Variants in XKR6 observed in about 807,000 individuals in gnomAD.
The protein encoded by XKR6 is XK-related protein 6.
A neutral mutation model predicts 56.7 loss-of-function variants in XKR6; 22 were observed. The ratio of observed to expected loss-of-function variants is 0.39; its 90% CI spans 0.28 to 0.55. The LOEUF is 0.55. Among genes scored for constraint, XKR6 ranks in the 20% least tolerant of loss-of-function variants. The pLI is 0.66. For missense variants in XKR6, 852 were observed against 889.0 expected, an observed-to-expected ratio of 0.96 and a Z score of 0.53; for synonymous variants, 524 against 387.8, an observed-to-expected ratio of 1.35 and a Z score of -4.13.
intron 1 of XKR6, among the ~76,000 whole-genome samples, chr8:11,168,697 G>C (rs1186713839): frequency 2.0e-5 from 3 of 152,206 alleles, no homozygotes; most frequent in African/African-American, 7.2e-5. Context: ...AGTATTGATA[G>C]AGAAAGTTAG....
chr8:11,185,697 C>T (rs1220995539), intron 1 of XKR6, among the ~76,000 whole-genome samples: 1 of 152,186 alleles, frequency 6.6e-6, no homozygotes, highest in Admixed American at 6.5e-5. Flanking sequence ...TTTCCTCAAC[C>T]AGATGAACTT....
At chr8:10,981,076 C>A (rs1160311300) in intron 1 of XKR6, among the ~76,000 whole-genome samples, 1 of 152,124 alleles carries the variant, frequency 6.6e-6, no homozygotes, top group African/African-American at 2.4e-5. Flanking sequence ...AAATTCCTAC[C>A]CCCACTATCT....
intron 1 of XKR6, among the ~76,000 whole-genome samples, chr8:11,097,066 C>T (rs1798284320): frequency 6.6e-6 from 1 of 152,186 alleles, no homozygotes; most frequent in African/African-American, 2.4e-5. Context: ...TGCCTAGAGT[C>T]AAGTTAAATC....
chr8:11,010,054 C>T (rs977652370), intron 1 of XKR6, among the ~76,000 whole-genome samples: 3 of 152,194 alleles, frequency 2.0e-5, no homozygotes, highest in East Asian at 1.9e-4. Flanking sequence ...GCTCTTGGTT[C>T]TGCAGACTGT....
intron 1 of XKR6, among the ~76,000 whole-genome samples, chr8:11,022,298 A>G (rs1389857006): frequency 6.6e-6 from 1 of 152,072 alleles, no homozygotes; most frequent in Non-Finnish European, 1.5e-5. Context: ...GCTGTAACCA[A>G]GCCCCATTGT....
chr8:10,916,827 AGTCT>A (rs1288951758), intron 2 of XKR6, among the ~76,000 whole-genome samples: 1 of 152,242 alleles, frequency 6.6e-6, no homozygotes, highest in East Asian at 1.9e-4. Flanking sequence ...GGACGCAGTC[AGTCT>A]GAGTTCTCGC....
chr8:11,058,889 T>C (rs1799754889), intron 1 of XKR6, among the ~76,000 whole-genome samples: 1 of 152,208 alleles, frequency 6.6e-6, no homozygotes, highest in South Asian at 2.1e-4. Flanking sequence ...CACTGTGGGA[T>C]ATTTAGAAAA....
intron 2 of XKR6, among the ~76,000 whole-genome samples, chr8:10,919,101 C>T (rs1235421107): frequency 6.6e-6 from 1 of 152,198 alleles, no homozygotes; most frequent in African/African-American, 2.4e-5. Context: ...CAATTGGGGC[C>T]CTGCCTTTCT....
intron 1 of XKR6, among the ~76,000 whole-genome samples, chr8:11,005,760 T>A (rs1798352998): frequency 6.6e-6 from 1 of 152,094 alleles, no homozygotes; most frequent in African/African-American, 2.4e-5. Context: ...TGAGATTATA[T>A]TTTATTTTCC....
intron 2 of XKR6, among the ~76,000 whole-genome samples, chr8:10,914,401 C>T (rs1364458175): frequency 6.6e-6 from 1 of 152,124 alleles, no homozygotes; most frequent in African/African-American, 2.4e-5. Flanking sequence ...TGCTGAGATT[C>T]GTAAAGAATG....
intron 1 of XKR6, among the ~76,000 whole-genome samples, chr8:10,989,129 T>C (rs1292842075): frequency 1.3e-5 from 2 of 152,208 alleles, no homozygotes; most frequent in Non-Finnish European, 2.9e-5. Context: ...GGGCATGAGC[T>C]CTGTGGAGGT....
intron 1 of XKR6, among the ~76,000 whole-genome samples, chr8:11,038,211 C>G (rs1400302888): frequency 1.3e-5 from 2 of 152,114 alleles, no homozygotes. Flanking sequence ...AAAAATGTTA[C>G]TTGTATCTAA....
chr8:11,187,369 G>C (rs899687409), intron 1 of XKR6, among the ~76,000 whole-genome samples: 3 of 152,142 alleles, frequency 2.0e-5, no homozygotes, highest in African/African-American at 4.8e-5. Context: ...ACTTCCCAAT[G>C]CAACTGAAAC....
chr8:10,924,547 TGCC>T, intron 2 of XKR6, 84 bp downstream of exon 2: 1 of 1,487,348 alleles, frequency 6.7e-7, no homozygotes, highest in Non-Finnish European at 9.1e-7. Flanking sequence ...CCACAGAGCG[TGCC>T]AGGCACGAAG....
intron 1 of XKR6, among the ~76,000 whole-genome samples, chr8:11,198,428 T>A (rs988223062): frequency 6.6e-6 from 1 of 151,556 alleles, no homozygotes; most frequent in African/African-American, 2.4e-5. Flanking sequence ...TTTAGAGATA[T>A]ATTCTAATCT....
intron 1 of XKR6, among the ~76,000 whole-genome samples, chr8:11,033,203 T>C (rs1057347088): frequency 1.3e-5 from 2 of 151,888 alleles, no homozygotes; most frequent in African/African-American, 2.4e-5. Context: ...GTGATGAGGA[T>C]GGTGGTGCTA....
At chr8:11,157,593 G>A (rs1401758408) in intron 1 of XKR6, among the ~76,000 whole-genome samples, 1 of 152,082 alleles carries the variant, frequency 6.6e-6, no homozygotes, top group Non-Finnish European at 1.5e-5. Flanking sequence ...ATAGCTCACT[G>A]CAGCCTCGAA....
intron 1 of XKR6, among the ~76,000 whole-genome samples, chr8:11,118,524 G>A (rs140092985): frequency 0.023 from 3,544 of 152,218 alleles, 158 homozygotes; most frequent in African/African-American, 0.079. Flanking sequence ...ACTTCTTCCT[G>A]GTTTCGTCCT....
intron 1 of XKR6, among the ~76,000 whole-genome samples, chr8:11,078,475 C>T (rs1351860739): frequency 6.6e-6 from 1 of 152,168 alleles, no homozygotes; most frequent in African/African-American, 2.4e-5. Context: ...TGCTGCTGAC[C>T]CCACGTGAGG....
Sources: gnomAD v4.1 joint callset for allele counts (sites outside exome capture counted in the v4.1 genomes callset) on GRCh38, gnomAD v4.1.1 for gene constraint, MANE v1.5 for transcripts, NCBI Gene and HGNC (gene_info 2026-07-23, HGNC 2026-07-21) for gene names.